Variants in TLL2 observed in about 807,000 individuals in gnomAD.
The protein encoded by TLL2 is tolloid-like protein 2.
A neutral mutation model predicts 123.0 loss-of-function variants in TLL2; 106 were observed. The ratio of observed to expected loss-of-function variants is 0.86; its 90% CI spans 0.74 to 1.01. TLL2 has a LOEUF of 1.01. Ranked by LOEUF, TLL2 falls within the 50% of genes least tolerant of loss-of-function variation. The probability of loss-of-function intolerance (pLI) is 0.00; values close to 1 mark genes in which losing one functional copy is unlikely to be tolerated. For synonymous variants in TLL2, 494 were observed against 516.8 expected (o/e 0.96, Z 0.60); for missense variants, 1,332 against 1,336.7 (o/e 1.00, Z 0.06).
chr10:96,476,689 T>C (rs1217117236), intron 2 of TLL2, among the ~76,000 whole-genome samples: 1 of 152,118 alleles, frequency 6.6e-6, no homozygotes, highest in Non-Finnish European at 1.5e-5. Context: ...TTATCTATAA[T>C]GGCTTAGTTA....
At chr10:96,452,297 A>G (rs1846968550) in intron 2 of TLL2, among the ~76,000 whole-genome samples, 1 of 152,256 alleles carries the variant, frequency 6.6e-6, no homozygotes, top group African/African-American at 2.4e-5. Flanking sequence ...ATGGATATCC[A>G]TCTGGGGACA....
At chr10:96,389,463 G>T (rs953689006) in intron 13 of TLL2, among the ~76,000 whole-genome samples, 2 of 152,166 alleles carry the variant, frequency 1.3e-5, no homozygotes, top group Admixed American at 6.5e-5. Context: ...GCCTGAGGAG[G>T]GAAGGGAGAC....
intron 1 of TLL2, among the ~76,000 whole-genome samples, chr10:96,505,174 G>A (rs997179115): frequency 6.6e-6 from 1 of 152,220 alleles, no homozygotes; most frequent in African/African-American, 2.4e-5. Context: ...AGGGGAAGCA[G>A]GCACATCCTA....
rs1846026893 is a variant in TLL2, at chr10:96,366,443, A to G, written c.*1645T>C. ...CTTTGACAGCTGATCTTTTACATACATACATATATACAGACATATATTATT... is the reference window on the plus strand; with the variant it reads ...CTTTGACAGCTGATCTTTTACATACGTACATATATACAGACATATATTATT... On this transcript the variant is annotated 3_prime_UTR_variant, in exon 21 of 21. Transcript: ENST00000357947. 1 of 152,644 alleles carries G rather than the reference A, an allele frequency of 6.6e-6. No homozygotes were observed. The highest frequency in any genetic ancestry group is 2.4e-5 in the African/African-American group (1 of 41,460). The allele number at this position is 152,644 out of a possible 1,614,324, so 9.5% of individuals were successfully genotyped here. A position where few individuals can be genotyped will look rare whatever the true frequency, so the allele number is the denominator to read the frequency against.
chr10:96,476,240 A>ATATATATATATATATATATATTC, intron 2 of TLL2, among the ~76,000 whole-genome samples: 7 of 20,494 alleles, frequency 3.4e-4, no homozygotes, highest in Non-Finnish European at 4.0e-4. Context: ...ATATATATAT[A>ATATATATATATATATATATATTC]TTTTATTTTT....
chr10:96,377,996 T>A (rs1846152897), intron 17 of TLL2, among the ~76,000 whole-genome samples: 1 of 152,224 alleles, frequency 6.6e-6, no homozygotes, highest in African/African-American at 2.4e-5. Flanking sequence ...CCCGGGCCCA[T>A]CTCACAGGGG....
At position 96,459,932 on chromosome 10, in the gene TLL2, G is replaced by A. The variant is rs1037260526; in HGVS notation, c.287-13764C>T. Among the ~76,000 whole-genome samples, 18 of 151,184 alleles carry A rather than the reference G, an allele frequency of 1.2e-4. 1 individual carries two copies. Among genetic ancestry groups the A allele is most frequent in the African/African-American group, 4.4e-4 (18 of 41,268 alleles). ...ATGGATTGAAAGAAAGTATAAGAAA[G>A]AAATTTCAAGTACAAATAAACCATA... On this transcript the variant is annotated intron_variant, in intron 2 of 20. Coordinates refer to ENST00000357947, the MANE Select transcript of TLL2 (RefSeq NM_012465.4).
In TLL2 at chr10:96,422,661, G is replaced by T; in HGVS notation, c.705C>A (p.Asp235Glu). Residue 235 changes from aspartate to glutamate, a missense_variant, in exon 6 of 21, where the codon GAC (aspartate) becomes GAA (glutamate). By Grantham distance (45) the Asp-to-Glu change is conservative. Transcript: ENST00000357947. ...PQAISIGKNC[D>E]KFGIVAHELG... ...GCTCGTGAGCCACAATGCCAAACTT[G>T]TCACAGTTCTTCCCAATGGATATGG... is the stretch of plus-strand genomic sequence containing the variant. 1 of 1,614,198 alleles carries T rather than the reference G, an allele frequency of 6.2e-7. No homozygotes were observed. The highest frequency in any genetic ancestry group is 1.3e-5 in the African/African-American group (1 of 75,036).
intron 5 of TLL2, 55 bp from the exon 6 acceptor site, chr10:96,422,782 A>G: frequency 2.5e-6 from 4 of 1,601,206 alleles, no homozygotes; most frequent in Non-Finnish European, 3.4e-6. Flanking sequence ...TCAGAGCAAG[A>G]GGCAAGTCCC....
intron 2 of TLL2, among the ~76,000 whole-genome samples, chr10:96,451,999 C>A (rs149624768): frequency 6.6e-6 from 1 of 152,330 alleles, no homozygotes; most frequent in East Asian, 1.9e-4. Context: ...AAATATATAT[C>A]CAGCACAAGA....
chr10:96,458,424 T>C (rs941001643), intron 2 of TLL2, among the ~76,000 whole-genome samples: 1 of 151,624 alleles, frequency 6.6e-6, no homozygotes, highest in Non-Finnish European at 1.5e-5. Context: ...CTGTCTCTGC[T>C]AAAAATACAA....
chr10:96,513,890 C>T lies in TLL2; in HGVS notation c.-205G>A. On this transcript the variant is annotated 5_prime_UTR_variant, in exon 1 of 21. Coordinates refer to ENST00000357947, the MANE Select transcript of TLL2 (RefSeq NM_012465.4). ...ACCGGGAAGCAGCCGCTCGGAGCTA[C>T]TTGCCCGGCGGCCGAGGCTGCGGCG... 1.8e-6 allele frequency: 1 copy of T among 553,232 alleles called. No individual in the cohort carries two copies. The allele number at this position is 553,232 out of a possible 1,614,324, so 34.3% of individuals were successfully genotyped here.
chr10:96,475,637 G>A (rs1047646221), intron 2 of TLL2, among the ~76,000 whole-genome samples: 2 of 152,192 alleles, frequency 1.3e-5, no homozygotes, highest in African/African-American at 4.8e-5. Context: ...AACAGGCAAA[G>A]GAGGCCTCTG....
At chr10:96,497,063 T>C (rs1847483982) in intron 1 of TLL2, among the ~76,000 whole-genome samples, 1 of 152,016 alleles carries the variant, frequency 6.6e-6, no homozygotes, top group Non-Finnish European at 1.5e-5. Context: ...AGTGGATCAC[T>C]TGAGATCAGG....
chr10:96,375,802 C>T (rs1846133395), intron 18 of TLL2, among the ~76,000 whole-genome samples: 2 of 152,246 alleles, frequency 1.3e-5, no homozygotes, highest in South Asian at 4.1e-4. Flanking sequence ...CCTCTCTGTT[C>T]TCTTCCATTC....
intron 4 of TLL2, among the ~76,000 whole-genome samples, chr10:96,429,918 T>G (rs1307073337): frequency 6.6e-6 from 1 of 152,174 alleles, no homozygotes; most frequent in Non-Finnish European, 1.5e-5. Flanking sequence ...AGTCAGTTCT[T>G]TTCAAAATCT....
At chr10:96,479,219 C>G (rs972626250) in intron 2 of TLL2, among the ~76,000 whole-genome samples, 1 of 152,084 alleles carries the variant, frequency 6.6e-6, no homozygotes, top group Non-Finnish European at 1.5e-5. Flanking sequence ...AACAAGACAC[C>G]AAAAAGAAAT....
rs1368571086 is a variant in TLL2, at chr10:96,506,443, T to C, written c.175+7068A>G. Among the ~76,000 whole-genome samples, 26 of 151,222 alleles carry C rather than the reference T, an allele frequency of 1.7e-4. No homozygotes were observed. The Admixed American group carries it at 1.7e-3, about 10-fold the overall frequency. On this transcript the variant is annotated intron_variant, in intron 1 of 20. Coordinates refer to ENST00000357947, the MANE Select transcript of TLL2 (RefSeq NM_012465.4). Reference sequence around the variant, plus strand: ...TCCAGGCTGGGGAGTGCCCTGAGAATGGCTGGAGAACCAGTGGTCAGCTGG... The same window carrying C: ...TCCAGGCTGGGGAGTGCCCTGAGAACGGCTGGAGAACCAGTGGTCAGCTGG...
chr10:96,405,905 T>C (rs969599846), intron 9 of TLL2, among the ~76,000 whole-genome samples: 1 of 152,070 alleles, frequency 6.6e-6, no homozygotes, highest in African/African-American at 2.4e-5. Context: ...TGCTGGCCAA[T>C]TGAGATAGAA....
Sources: allele counts gnomAD v4.1 joint callset (sites outside exome capture counted in the v4.1 genomes callset), GRCh38; gene constraint gnomAD v4.1.1; transcripts MANE v1.5; gene names NCBI Gene and HGNC (gene_info 2026-07-23, HGNC 2026-07-21).